The following MYO3A variants were observed in gnomAD, a reference collection of about 807,000 sequenced individuals.
The protein encoded by MYO3A is myosin IIIA.
MYO3A carries 180 observed loss-of-function variants against 192.7 expected under a neutral mutation model. That is an observed-to-expected ratio of 0.93 (90% CI 0.83 to 1.06). The LOEUF (loss-of-function observed/expected upper bound fraction) is 1.06. Ranked by LOEUF, MYO3A falls within the 50% of genes least tolerant of loss-of-function variation. The pLI is 0.00. For missense variants in MYO3A, 1,896 were observed against 1,905.0 expected (o/e 1.00, Z 0.09); for synonymous variants, 628 against 645.3 (o/e 0.97, Z 0.41).
intron 10 of MYO3A, among the ~76,000 whole-genome samples, chr10:26,027,682 G>A (rs1842618107): frequency 6.6e-6 from 1 of 152,142 alleles, no homozygotes; most frequent in Non-Finnish European, 1.5e-5. Context: ...AATTGGAATA[G>A]TATTATATGT....
chr10:25,982,125 C>A (rs938627154), intron 4 of MYO3A, among the ~76,000 whole-genome samples: 1 of 152,092 alleles, frequency 6.6e-6, no homozygotes, highest in Non-Finnish European at 1.5e-5. Context: ...TGCCAGCTTA[C>A]CCCCACTTTG....
chr10:25,994,030 C>T (rs1208283757), intron 4 of MYO3A, among the ~76,000 whole-genome samples: 1 of 152,042 alleles, frequency 6.6e-6, no homozygotes, highest in Non-Finnish European at 1.5e-5. Context: ...CTATTAGGTC[C>T]TCTTGGTGCA....
chr10:26,177,384 C>CA (rs1842388440), intron 31 of MYO3A, among the ~76,000 whole-genome samples: 1 of 152,142 alleles, frequency 6.6e-6, no homozygotes, highest in Non-Finnish European at 1.5e-5. Flanking sequence ...CCTTGCACAC[C>CA]ACCAAAAGAT....
intron 7 of MYO3A, among the ~76,000 whole-genome samples, chr10:26,019,217 CTATT>C (rs201592333): frequency 0.27 from 37,731 of 138,736 alleles, 5,325 homozygotes; most frequent in Admixed American, 0.33. Context: ...TCTGGTTATT[CTATT>C]TATTTATTTA....
chr10:26,046,074 G>A (rs552589516), intron 10 of MYO3A, among the ~76,000 whole-genome samples: 5 of 152,132 alleles, frequency 3.3e-5, no homozygotes, highest in Non-Finnish European at 7.3e-5. Context: ...AAACCAGTAA[G>A]TGTAAGCAAG....
intron 4 of MYO3A, among the ~76,000 whole-genome samples, chr10:25,990,374 A>C (rs1839935308): frequency 6.6e-6 from 1 of 152,154 alleles, no homozygotes; most frequent in Admixed American, 6.5e-5. Context: ...TTTTGAGGTG[A>C]CATAATCTAT....
At chr10:25,986,643 A>G (rs1839672132) in intron 4 of MYO3A, among the ~76,000 whole-genome samples, 1 of 152,126 alleles carries the variant, frequency 6.6e-6, no homozygotes, top group Non-Finnish European at 1.5e-5. Context: ...ATTTAGGAAT[A>G]TATCCAACCA....
intron 6 of MYO3A, among the ~76,000 whole-genome samples, chr10:26,016,439 G>A (rs2131043857): frequency 6.6e-6 from 1 of 152,316 alleles, no homozygotes; most frequent in African/African-American, 2.4e-5. Context: ...GCAGGGACAG[G>A]AAGAGGGCAG....
At chr10:25,950,978 A>T (rs892681167) in intron 2 of MYO3A, among the ~76,000 whole-genome samples, 1 of 152,160 alleles carries the variant, frequency 6.6e-6, no homozygotes, top group South Asian at 2.1e-4. Context: ...TAGAAATGAT[A>T]TAATATAGGG....
intron 6 of MYO3A, among the ~76,000 whole-genome samples, chr10:26,011,685 A>C (rs1438575434): frequency 6.6e-6 from 1 of 152,224 alleles, no homozygotes; most frequent in Non-Finnish European, 1.5e-5. Context: ...TCAGACATTC[A>C]AAGAAGAATG....
At chr10:26,141,283 CT>C (rs1840151513) in intron 20 of MYO3A, among the ~76,000 whole-genome samples, 1 of 152,144 alleles carries the variant, frequency 6.6e-6, no homozygotes, top group Non-Finnish European at 1.5e-5. Flanking sequence ...GAAATAGGAG[CT>C]TTCTTTCTCC....
intron 10 of MYO3A, among the ~76,000 whole-genome samples, chr10:26,039,021 T>G (rs991460842): frequency 1.3e-5 from 2 of 150,552 alleles, no homozygotes; most frequent in Non-Finnish European, 3.0e-5. Flanking sequence ...ATGAATGAGT[T>G]TTTGTTTGTT....
At chr10:25,950,232 T>G (rs758199903) in intron 2 of MYO3A, among the ~76,000 whole-genome samples, 3 of 152,176 alleles carry the variant, frequency 2.0e-5, no homozygotes, top group Non-Finnish European at 4.4e-5. Flanking sequence ...AGCAATGAAC[T>G]TACTATGTTT....
intron 26 of MYO3A, among the ~76,000 whole-genome samples, chr10:26,161,850 C>G (rs1324832172): frequency 6.6e-6 from 1 of 152,086 alleles, no homozygotes; most frequent in Non-Finnish European, 1.5e-5. Context: ...TCCATAAGCA[C>G]GTGTGGCTTA....
At chr10:26,193,056 A>G in intron 31 of MYO3A, 149 bp from the exon 32 acceptor site, 1 of 683,414 alleles carries the variant, frequency 1.5e-6, no homozygotes, top group Non-Finnish European at 2.6e-6. Context: ...GAGTAGGATA[A>G]GGGTTGGTTA....
chr10:26,002,299 A>G (rs1213779892), intron 6 of MYO3A, among the ~76,000 whole-genome samples: 3 of 152,228 alleles, frequency 2.0e-5, no homozygotes, highest in Admixed American at 6.5e-5. Context: ...GCACTCGAAT[A>G]TAATTCAAAT....
intron 11 of MYO3A, among the ~76,000 whole-genome samples, chr10:26,068,419 TC>T (rs1834989070): frequency 6.6e-6 from 1 of 152,194 alleles, no homozygotes; most frequent in Non-Finnish European, 1.5e-5. Flanking sequence ...ATTCACTTTA[TC>T]TTCCCTTCCC....
intron 20 of MYO3A, among the ~76,000 whole-genome samples, chr10:26,132,798 C>CA (rs1839618400): frequency 6.6e-6 from 1 of 152,018 alleles, no homozygotes; most frequent in South Asian, 2.1e-4. Flanking sequence ...GAAACTATTA[C>CA]TATTTACAGC....
At chr10:25,943,339 T>C (rs1047454124) in intron 2 of MYO3A, among the ~76,000 whole-genome samples, 2 of 152,128 alleles carry the variant, frequency 1.3e-5, no homozygotes, top group Non-Finnish European at 2.9e-5. Flanking sequence ...CCAACTTTGT[T>C]CTTCTTTACA....
Sources: gnomAD v4.1 joint callset for allele counts (sites outside exome capture counted in the v4.1 genomes callset) on GRCh38, gnomAD v4.1.1 for gene constraint, MANE v1.5 for transcripts, NCBI Gene and HGNC (gene_info 2026-07-23, HGNC 2026-07-21) for gene names.